The following KDM4C variants were observed in gnomAD, a reference collection of about 807,000 sequenced individuals.
KDM4C encodes the protein lysine-specific demethylase 4C.
KDM4C carries 81 observed loss-of-function variants against 129.3 expected under a neutral mutation model. The observed-to-expected ratio is 0.63, with a 90% CI of 0.52 to 0.75. The LOEUF is 0.75. KDM4C is among the 30% of genes least tolerant of loss of function. The probability of loss-of-function intolerance (pLI) is 0.00; values close to 1 mark genes in which losing one functional copy is unlikely to be tolerated. For synonymous variants in KDM4C, 573 were observed against 456.1 expected (o/e 1.26, Z -3.26); for missense variants, 1,457 against 1,304.0 (o/e 1.12, Z -1.81).
At chr9:6,756,587 G>T (rs1375158980), upstream of KDM4C, among the ~76,000 whole-genome samples, 1 of 152,166 alleles carries the variant, frequency 6.6e-6, no homozygotes, top group African/African-American at 2.4e-5. Flanking sequence ...CGTGGTGGCG[G>T]GCGACTGTAA....
chr9:6,796,218 GTGGATCAC>G (rs1827728176), intron 2 of KDM4C, among the ~76,000 whole-genome samples: 1 of 152,154 alleles, frequency 6.6e-6, no homozygotes, highest in Non-Finnish European at 1.5e-5. Flanking sequence ...GCCGAGGTGG[GTGGATCAC>G]TTGAGGTCAG....
intron 17 of KDM4C, among the ~76,000 whole-genome samples, chr9:7,073,013 T>C (rs1366190956): frequency 1.3e-5 from 2 of 151,992 alleles, no homozygotes; most frequent in Non-Finnish European, 2.9e-5. Flanking sequence ...GGAGAAGTAG[T>C]GAGAGGAAAG....
At chr9:6,814,956 G>A (rs1364282462) in intron 4 of KDM4C, 1 of 392,598 alleles carries the variant, frequency 2.5e-6, no homozygotes, top group African/African-American at 2.1e-5. Flanking sequence ...AAATTGTTCA[G>A]TAGTAACATG....
rs1237378452 is a variant in KDM4C at position 6,864,933 on chromosome 9, C to T, written c.630-15079C>T. Among the ~76,000 whole-genome samples the T allele has an allele frequency of 2.0e-5, 3 of 151,094 alleles. No individual in the cohort carries two copies. The East Asian group carries it at 5.8e-4, about 29-fold the overall frequency. ...GCCTCTGATTAATTTTTTAGTTCAG[C>T]AAATGTATTTCTTAGTCCCAAGATT... On this transcript the variant is annotated intron_variant, in intron 5 of 21. Coordinates refer to ENST00000381309, the MANE Select transcript of KDM4C (RefSeq NM_015061.6).
chr9:6,978,115 G>A (rs1358188517), intron 8 of KDM4C, among the ~76,000 whole-genome samples: 2 of 152,174 alleles, frequency 1.3e-5, no homozygotes, highest in Admixed American at 6.5e-5. Flanking sequence ...TCAGCCCCAT[G>A]AGGATAGTTA....
chr9:6,980,522 A>G lies in KDM4C; in HGVS notation c.922-403A>G, dbSNP rs557776337. Among the ~76,000 whole-genome samples the G allele has an allele frequency of 2.0e-5, 3 of 152,336 alleles. No individual in the cohort carries two copies. The East Asian group carries it at 5.8e-4, about 29-fold the overall frequency. Reference sequence around the variant, plus strand: ...CTCAACTCACTGGTTAAAGTATTCTAATCACACATTCATTGGGTTATTTTA... The same window carrying G: ...CTCAACTCACTGGTTAAAGTATTCTGATCACACATTCATTGGGTTATTTTA... On this transcript the variant is annotated intron_variant, in intron 8 of 21. Coordinates refer to ENST00000381309, the MANE Select transcript of KDM4C (RefSeq NM_015061.6).
chr9:6,760,485 C>T (rs1173620468), intron 1 of KDM4C, among the ~76,000 whole-genome samples: 1 of 146,774 alleles, frequency 6.8e-6, no homozygotes, highest in African/African-American at 2.6e-5. Flanking sequence ...CTAGGTTAAA[C>T]ATCTGTTGAA....
In KDM4C at chr9:6,980,978, A is replaced by G. The variant is rs1816672947; in HGVS notation, c.975A>G (p.Lys325=). ...TTTCAATGGATATCTTTGTGAGGAA[A>G]TTTCAGCCAGACAGATATCAGCTTT... ...VKISMDIFVR[K]FQPDRYQLWK... Residue 325 remains lysine (K), a synonymous_variant, in exon 9 of 22, where the codon AAA becomes AAG. Transcript: ENST00000381309. 1 of 1,613,668 alleles carries G rather than the reference A, an allele frequency of 6.2e-7. No individual in the cohort carries two copies. The highest frequency in any genetic ancestry group is 1.3e-5 in the African/African-American group (1 of 74,878).
intron 15 of KDM4C, among the ~76,000 whole-genome samples, chr9:7,039,226 C>G (rs1034753238): frequency 6.6e-6 from 1 of 151,976 alleles, no homozygotes; most frequent in African/African-American, 2.4e-5. Flanking sequence ...TAAACACACA[C>G]TCCATTCAGT....
chr9:7,019,686 T>TTATAAAAATATTATATTTTATA lies in KDM4C; in HGVS notation c.2259+3768_2259+3769insTATATTTTATATATAAAAATAT, dbSNP rs1563992577. On this transcript the variant is annotated intron_variant, in intron 15 of 21. Transcript: ENST00000381309. ...ATTCTCTTTAAAAAGAGAGACTATA[T>TTATAAAAATATTATATTTTATA]TATAAAAATATAATATTTTTATATA... is the stretch of plus-strand genomic sequence containing the variant. 8.7e-3 allele frequency among the ~76,000 whole-genome samples: 510 copies of TTATAAAAATATTATATTTTATA among 58,600 alleles called. 11 individuals carry two copies. The highest frequency in any genetic ancestry group is 0.018 in the African/African-American group (311 of 17,696). 38.4% of individuals were successfully genotyped at this position (58,600 alleles called of 152,430 possible). A position where few individuals can be genotyped will look rare whatever the true frequency, so the allele number is the denominator to read the frequency against.
intron 15 of KDM4C, among the ~76,000 whole-genome samples, chr9:7,045,773 A>G (rs918097261): frequency 1.1e-4 from 17 of 152,038 alleles, no homozygotes; most frequent in African/African-American, 4.1e-4. Flanking sequence ...AGTTGTTTGC[A>G]TTTATTACTG....
intron 8 of KDM4C, among the ~76,000 whole-genome samples, chr9:6,908,098 A>G (rs1320189978): frequency 2.6e-5 from 4 of 152,166 alleles, no homozygotes; most frequent in African/African-American, 9.7e-5. Flanking sequence ...GGTATGTTTT[A>G]TATTGAAGAG....
chr9:7,103,128 G>C (rs905698085), intron 17 of KDM4C, among the ~76,000 whole-genome samples: 3 of 152,108 alleles, frequency 2.0e-5, no homozygotes, highest in South Asian at 4.1e-4. Context: ...GTCATGAAGG[G>C]TTCAGATTTG....
Position 6,761,050 on chromosome 9 carries a change from G to C in KDM4C, c.-18+2847G>C, listed in dbSNP as rs1166987898. On this transcript the variant is annotated intron_variant, in intron 1 of 21. Coordinates refer to ENST00000381309, the MANE Select transcript of KDM4C (RefSeq NM_015061.6). ...GGAATCTCGCTCTGTTGTCCATGGA[G>C]TCTCACTCTGTGCCAATGGCGCGAT... 2.1e-5 allele frequency among the ~76,000 whole-genome samples: 3 copies of C among 145,092 alleles called. No homozygotes were observed. The Admixed American group carries it at 2.1e-4, about 10-fold the overall frequency.
intron 5 of KDM4C, among the ~76,000 whole-genome samples, chr9:6,861,585 A>G (rs1840929720): frequency 6.6e-6 from 1 of 152,192 alleles, no homozygotes. Flanking sequence ...TATTTGTTGC[A>G]TAAGAGAAAT....
At chr9:6,858,516 A>C (rs995433699) in intron 5 of KDM4C, among the ~76,000 whole-genome samples, 1 of 152,196 alleles carries the variant, frequency 6.6e-6, no homozygotes, top group African/African-American at 2.4e-5. Context: ...TTACTGTGTT[A>C]GGGCTGGGCA....
chr9:7,017,660 C>T (rs746452527), intron 15 of KDM4C, among the ~76,000 whole-genome samples: 9 of 152,176 alleles, frequency 5.9e-5, no homozygotes, highest in Non-Finnish European at 1.2e-4. Context: ...CAGACCTCAG[C>T]AGTGTATGCC....
intron 8 of KDM4C, chr9:6,974,803 A>T (rs1257069164): frequency 6.6e-6 from 1 of 152,198 alleles, no homozygotes; most frequent in Non-Finnish European, 1.5e-5. Flanking sequence ...GGAGTGCATG[A>T]ATTCAGAACA....
chr9:6,732,609 A>G (rs1297649414), intron 1 of KDM4C, among the ~76,000 whole-genome samples: 1 of 152,140 alleles, frequency 6.6e-6, no homozygotes, highest in Non-Finnish European at 1.5e-5. Context: ...AGGGGAAGAG[A>G]ATCAACAAAT....
Sources: allele counts gnomAD v4.1 joint callset (sites outside exome capture counted in the v4.1 genomes callset), GRCh38; gene constraint gnomAD v4.1.1; transcripts MANE v1.5; gene names NCBI Gene and HGNC (gene_info 2026-07-23, HGNC 2026-07-21).